CREB5: variants seen among roughly 807,000 people sequenced by gnomAD.
The protein encoded by CREB5 is cyclic AMP-responsive element-binding protein 5.
CREB5 carries 19 observed loss-of-function variants against 57.1 expected under a neutral mutation model. The ratio of observed to expected loss-of-function variants is 0.33; its 90% CI spans 0.23 to 0.49. The LOEUF is 0.49. Among genes scored for constraint, CREB5 ranks in the 20% least tolerant of loss-of-function variants. The pLI is 0.99. For synonymous variants in CREB5, 238 were observed against 238.3 expected, an observed-to-expected ratio of 1.00 and a Z score of 0.01; for missense variants, 579 against 671.6, an observed-to-expected ratio of 0.86 and a Z score of 1.52.
At chr7:28,750,712 T>C (rs955543595) in intron 7 of CREB5, among the ~76,000 whole-genome samples, 1 of 152,220 alleles carries the variant, frequency 6.6e-6, no homozygotes, top group Non-Finnish European at 1.5e-5. Context: ...GTTTCTGCAA[T>C]GTGGTAATTA....
intron 5 of CREB5, among the ~76,000 whole-genome samples, chr7:28,693,612 G>A (rs537338087): frequency 6.6e-6 from 1 of 152,288 alleles, no homozygotes; most frequent in East Asian, 1.9e-4. Context: ...GGCCAGATGA[G>A]ATTGGGCCCT....
intron 7 of CREB5, among the ~76,000 whole-genome samples, chr7:28,784,517 T>C (rs1028956007): frequency 2.6e-5 from 4 of 152,130 alleles, no homozygotes; most frequent in Non-Finnish European, 5.9e-5. Flanking sequence ...CCTCCTGGTC[T>C]TCTCACTCTG....
chr7:28,814,261 A>AT (rs148656439), intron 9 of CREB5, among the ~76,000 whole-genome samples: 2,050 of 152,342 alleles, frequency 0.013, 23 homozygotes, highest in Non-Finnish European at 0.02. Context: ...GTCTTTCACT[A>AT]TGGAATCCTT....
chr7:28,445,759 GC>G (rs1164264922), intron 1 of CREB5, among the ~76,000 whole-genome samples: 1 of 151,696 alleles, frequency 6.6e-6, no homozygotes, highest in African/African-American at 2.4e-5. Flanking sequence ...CACTGTGTTA[GC>G]CAGGATGATC....
chr7:28,359,551 C>T (rs775013915), intron 1 of CREB5, among the ~76,000 whole-genome samples: 9 of 152,090 alleles, frequency 5.9e-5, no homozygotes, highest in Non-Finnish European at 1.3e-4. Context: ...TTATTTCATA[C>T]CATATACAAA....
chr7:28,302,133 A>G (rs1395054639), intron 1 of CREB5, among the ~76,000 whole-genome samples: 1 of 152,242 alleles, frequency 6.6e-6, no homozygotes. Context: ...TTTAAGCTAA[A>G]AATAACAAAA....
At chr7:28,337,420 T>C (rs1030246871) in intron 1 of CREB5, among the ~76,000 whole-genome samples, 2 of 152,148 alleles carry the variant, frequency 1.3e-5, no homozygotes, top group Non-Finnish European at 1.5e-5. Context: ...ATCCTATTGC[T>C]GAATTGACTC....
intron 5 of CREB5, among the ~76,000 whole-genome samples, chr7:28,639,313 T>C (rs1205427945): frequency 1.3e-5 from 2 of 152,124 alleles, no homozygotes; most frequent in African/African-American, 2.4e-5. Context: ...TTAAAACAAA[T>C]AGGCTGTAGT....
At chr7:28,314,134 T>C (rs938666607) in intron 1 of CREB5, among the ~76,000 whole-genome samples, 1 of 152,220 alleles carries the variant, frequency 6.6e-6, no homozygotes, top group East Asian at 1.9e-4. Flanking sequence ...AGGTATTCAC[T>C]GCCTTTGAAG....
intron 1 of CREB5, among the ~76,000 whole-genome samples, chr7:28,382,459 C>T (rs1434931640): frequency 6.6e-6 from 1 of 152,166 alleles, no homozygotes; most frequent in African/African-American, 2.4e-5. Flanking sequence ...GCTTTACCAG[C>T]TATCTGAGTA....
intron 1 of CREB5, among the ~76,000 whole-genome samples, chr7:28,414,572 T>A (rs1462325517): frequency 6.6e-6 from 1 of 152,204 alleles, no homozygotes; most frequent in East Asian, 1.9e-4. Flanking sequence ...AAGACCCTTT[T>A]TGTGTTGCTA....
At chr7:28,590,955 G>A (rs1279918221) in intron 5 of CREB5, among the ~76,000 whole-genome samples, 1 of 152,122 alleles carries the variant, frequency 6.6e-6, no homozygotes, top group Non-Finnish European at 1.5e-5. Flanking sequence ...TTTGTGTATA[G>A]TTAATTTAGA....
chr7:28,369,245 G>A (rs981949265), intron 1 of CREB5, among the ~76,000 whole-genome samples: 4 of 152,176 alleles, frequency 2.6e-5, no homozygotes, highest in African/African-American at 9.7e-5. Flanking sequence ...GTTTGCTACA[G>A]TTTTATTTAA....
At chr7:28,588,405 A>G (rs1562814747) in intron 5 of CREB5, among the ~76,000 whole-genome samples, 1 of 152,186 alleles carries the variant, frequency 6.6e-6, no homozygotes, top group Non-Finnish European at 1.5e-5. Context: ...TGAATCTCCT[A>G]AACGCCCAGC....
chr7:28,643,449 C>T (rs759514183), intron 5 of CREB5, among the ~76,000 whole-genome samples: 3 of 152,188 alleles, frequency 2.0e-5, no homozygotes. Context: ...TCAGTGTCTG[C>T]CCTGTTCCCA....
At chr7:28,674,658 T>C (rs1800233082) in intron 5 of CREB5, among the ~76,000 whole-genome samples, 1 of 152,214 alleles carries the variant, frequency 6.6e-6, no homozygotes, top group Non-Finnish European at 1.5e-5. Context: ...CTGGACGTTT[T>C]CAAACCACAT....
upstream of CREB5, chr7:28,409,805 G>T: frequency 4.5e-6 from 2 of 448,430 alleles, no homozygotes; most frequent in Non-Finnish European, 8.9e-6. The surrounding 1 kb of genome is among the most constrained non-coding windows in gnomAD (Gnocchi z 4.4). Flanking sequence ...AGCCGGCGCC[G>T]AGTCCGCCCG....
chr7:28,653,067 G>A (rs1019556872), intron 5 of CREB5, among the ~76,000 whole-genome samples: 2 of 152,182 alleles, frequency 1.3e-5, no homozygotes, highest in African/African-American at 4.8e-5. Context: ...GTAACAAGTT[G>A]TGTGTGATTC....
At chr7:28,452,353 T>C (rs1263195667) in intron 1 of CREB5, among the ~76,000 whole-genome samples, 1 of 152,192 alleles carries the variant, frequency 6.6e-6, no homozygotes, top group African/African-American at 2.4e-5. Flanking sequence ...CATTACAATT[T>C]GCAATGAATT....
Sources: gnomAD v4.1 joint callset for allele counts (sites outside exome capture counted in the v4.1 genomes callset) on GRCh38, gnomAD v4.1.1 for gene constraint, Gnocchi (gnomAD v3.1) non-coding constraint, MANE v1.5 for transcripts, NCBI Gene and HGNC (gene_info 2026-07-23, HGNC 2026-07-21) for gene names.